The following CPQ variants were observed in gnomAD, a reference collection of about 807,000 sequenced individuals.
CPQ encodes carboxypeptidase Q, also known as Ser-Met dipeptidase.
CPQ carries 37 observed loss-of-function variants against 45.7 expected under a neutral mutation model. The observed-to-expected ratio is 0.81, with a 90% CI of 0.62 to 1.07. The LOEUF is 1.07. CPQ is among the 50% of genes least tolerant of loss of function. The probability of loss-of-function intolerance (pLI) is 0.00; values close to 1 mark genes in which losing one functional copy is unlikely to be tolerated. For missense variants in CPQ, 537 were observed against 572.9 expected, an observed-to-expected ratio of 0.94 and a Z score of 0.64; for synonymous variants, 186 against 205.8, an observed-to-expected ratio of 0.90 and a Z score of 0.82.
intron 2 of CPQ, among the ~76,000 whole-genome samples, chr8:96,786,554 T>C (rs1308137695): frequency 6.6e-6 from 1 of 152,214 alleles, no homozygotes; most frequent in East Asian, 1.9e-4. Context: ...AGAAGTAGAA[T>C]TGCTGGGTCA....
At chr8:97,079,301 T>G (rs948935331) in intron 7 of CPQ, among the ~76,000 whole-genome samples, 3 of 152,170 alleles carry the variant, frequency 2.0e-5, no homozygotes, top group Non-Finnish European at 4.4e-5. Context: ...CTGACTCAAT[T>G]TCACAATTTC....
chr8:96,987,502 G>A (rs1056749400), intron 5 of CPQ, among the ~76,000 whole-genome samples: 4 of 152,192 alleles, frequency 2.6e-5, no homozygotes, highest in African/African-American at 9.6e-5. Flanking sequence ...AGCCTGCTCA[G>A]GGAAGCATAG....
At chr8:96,893,244 C>T (rs1047735875) in intron 4 of CPQ, among the ~76,000 whole-genome samples, 1 of 152,148 alleles carries the variant, frequency 6.6e-6, no homozygotes, top group Non-Finnish European at 1.5e-5. Context: ...TAAAGAGTTT[C>T]CCATTTTACT....
chr8:97,124,751 C>T (rs1410936966), intron 7 of CPQ, among the ~76,000 whole-genome samples: 1 of 152,062 alleles, frequency 6.6e-6, no homozygotes, highest in African/African-American at 2.4e-5. Context: ...CACAATATAT[C>T]CCAGTGTATG....
chr8:97,138,833 T>A (rs1015009168), intron 7 of CPQ, among the ~76,000 whole-genome samples: 1 of 151,954 alleles, frequency 6.6e-6, no homozygotes, highest in African/African-American at 2.4e-5. Context: ...ATGTAACCTA[T>A]AATTTCCAAG....
chr8:97,131,684 C>G (rs57103067), intron 7 of CPQ, among the ~76,000 whole-genome samples: 10,605 of 152,232 alleles, frequency 0.07, 385 homozygotes, highest in East Asian at 0.1. Flanking sequence ...GGCACACCCT[C>G]TCTAAAATAA....
intron 3 of CPQ, among the ~76,000 whole-genome samples, chr8:96,853,971 C>T (rs1811806677): frequency 6.6e-6 from 1 of 152,186 alleles, no homozygotes; most frequent in East Asian, 1.9e-4. Context: ...TAACCCCACA[C>T]AGCAAGGTAG....
At chr8:96,898,542 G>C (rs78475020) in intron 4 of CPQ, among the ~76,000 whole-genome samples, 1 of 148,410 alleles carries the variant, frequency 6.7e-6, no homozygotes, top group African/African-American at 2.5e-5. Context: ...GGTTGCTGCT[G>C]CTTTGTTGTA....
At chr8:96,818,176 G>A (rs895109860) in intron 2 of CPQ, among the ~76,000 whole-genome samples, 4 of 151,868 alleles carry the variant, frequency 2.6e-5, no homozygotes, top group African/African-American at 9.7e-5. Context: ...GAGAGGGAGA[G>A]AGCACCATGT....
intron 1 of CPQ, among the ~76,000 whole-genome samples, chr8:96,745,644 A>G (rs1341698872): frequency 1.3e-5 from 2 of 152,226 alleles, no homozygotes; most frequent in African/African-American, 4.8e-5. Context: ...TCAAACAACT[A>G]GTAACTGGCA....
chr8:97,029,213 G>A (rs962452765), intron 5 of CPQ, among the ~76,000 whole-genome samples, 190 bp from the exon 6 acceptor site: 3 of 152,080 alleles, frequency 2.0e-5, no homozygotes, highest in Non-Finnish European at 4.4e-5. Context: ...CATTAACCTG[G>A]CCTGGAGATC....
intron 1 of CPQ, among the ~76,000 whole-genome samples, chr8:96,712,800 C>G (rs1458948284): frequency 6.6e-6 from 1 of 151,864 alleles, no homozygotes; most frequent in Non-Finnish European, 1.5e-5. Context: ...GACATTTTTC[C>G]CGTTGTCTTG....
At chr8:97,006,201 A>G (rs1050696285) in intron 5 of CPQ, among the ~76,000 whole-genome samples, 3 of 152,188 alleles carry the variant, frequency 2.0e-5, no homozygotes, top group Non-Finnish European at 4.4e-5. Flanking sequence ...AAAAGGGTGA[A>G]AACAGTTTTG....
intron 6 of CPQ, among the ~76,000 whole-genome samples, chr8:97,058,692 T>A (rs1810495378): frequency 6.6e-6 from 1 of 152,138 alleles, no homozygotes; most frequent in African/African-American, 2.4e-5. Flanking sequence ...CACTTTCTCT[T>A]CTACAACTGC....
intron 5 of CPQ, among the ~76,000 whole-genome samples, chr8:97,014,604 T>C (rs1809548114): frequency 6.9e-6 from 1 of 145,306 alleles, no homozygotes; most frequent in Admixed American, 7.1e-5. Flanking sequence ...ATTGCGCCAC[T>C]GTACACCAAC....
intron 1 of CPQ, among the ~76,000 whole-genome samples, chr8:96,662,034 T>C (rs1231353699): frequency 1.3e-5 from 2 of 152,234 alleles, no homozygotes; most frequent in Admixed American, 1.3e-4. Flanking sequence ...TGCTTACATA[T>C]GATGTGAAGT....
At position 96,826,483 on chromosome 8, in the gene CPQ, A is replaced by T. The variant is rs1811379963; in HGVS notation, c.434-8490A>T. 2.0e-5 allele frequency among the ~76,000 whole-genome samples: 3 copies of T among 151,994 alleles called. No homozygotes were observed. The South Asian group carries it at 6.2e-4, about 31-fold the overall frequency. On this transcript the variant is annotated intron_variant, in intron 2 of 7. Coordinates refer to ENST00000220763, the MANE Select transcript of CPQ (RefSeq NM_016134.4). ...TAATTCTTGTTCTGTATATATATAT[A>T]CATATATCTGCCGATTAGTAGTGCC...
At chr8:96,982,986 C>T (rs1586479552) in intron 5 of CPQ, among the ~76,000 whole-genome samples, 1 of 152,050 alleles carries the variant, frequency 6.6e-6, no homozygotes, top group Admixed American at 6.5e-5. Context: ...TAAATGTTAA[C>T]GAATCTGGAT....
rs141344454 is a variant in CPQ, at chr8:96,697,870, A to G, written c.-35+52468A>G. ...AAATTGAAGAGGACACAAAAAATGG[A>G]AAGATATTCCATGTCCATGGATTGG... On this transcript the variant is annotated intron_variant, in intron 1 of 7. Coordinates refer to ENST00000220763, the MANE Select transcript of CPQ (RefSeq NM_016134.4). Among the ~76,000 whole-genome samples, 1,255 of 152,280 alleles carry G rather than the reference A, an allele frequency of 8.2e-3. 22 individuals are homozygous for G. Among genetic ancestry groups the G allele is most frequent in the African/African-American group, 0.028 (1,159 of 41,572 alleles).
Sources: allele counts gnomAD v4.1 joint callset (sites outside exome capture counted in the v4.1 genomes callset), GRCh38; gene constraint gnomAD v4.1.1; transcripts MANE v1.5; gene names NCBI Gene and HGNC (gene_info 2026-07-23, HGNC 2026-07-21).